The following PICALM variants were observed in gnomAD, a reference collection of about 807,000 sequenced individuals.
PICALM encodes phosphatidylinositol-binding clathrin assembly protein.
PICALM carries 40 observed loss-of-function variants against 80.5 expected under a neutral mutation model. The ratio of observed to expected loss-of-function variants is 0.50; its 90% CI spans 0.39 to 0.65. The LOEUF (loss-of-function observed/expected upper bound fraction) is 0.65. Among genes scored for constraint, PICALM ranks in the 30% least tolerant of loss-of-function variants. The pLI, the probability that PICALM is intolerant of heterozygous loss-of-function variation, is 0.00. For synonymous variants in PICALM, 288 were observed against 260.3 expected, an observed-to-expected ratio of 1.11 and a Z score of -1.02; for missense variants, 676 against 778.9, an observed-to-expected ratio of 0.87 and a Z score of 1.57.
intron 12 of PICALM, 150 bp downstream of exon 12, chr11:85,996,676 C>T (rs574099432): frequency 5.6e-6 from 3 of 532,378 alleles, no homozygotes; most frequent in South Asian, 5.2e-5. Context: ...AATGAACATA[C>T]CTTCAAGGGA....
intron 19 of PICALM, among the ~76,000 whole-genome samples, chr11:85,962,557 G>A (rs17817582): frequency 0.16 from 24,328 of 152,152 alleles, 2,527 homozygotes; most frequent in Middle Eastern, 0.24. Context: ...CAATATGTGA[G>A]CATACTGCTA....
At chr11:85,997,711 T>C (rs1316347587) in intron 11 of PICALM, among the ~76,000 whole-genome samples, 5 of 152,230 alleles carry the variant, frequency 3.3e-5, no homozygotes, top group African/African-American at 7.2e-5. Flanking sequence ...CCTCAGGTGA[T>C]ACGCCTGCCT....
At chr11:86,025,481 C>T (rs909316598) in intron 3 of PICALM, among the ~76,000 whole-genome samples, 3 of 152,146 alleles carry the variant, frequency 2.0e-5, no homozygotes, top group Non-Finnish European at 4.4e-5. Context: ...GCTACTAAAA[C>T]ATGTAATATT....
At chr11:86,035,697 C>T (rs917293315) in intron 1 of PICALM, among the ~76,000 whole-genome samples, 1 of 151,972 alleles carries the variant, frequency 6.6e-6, no homozygotes, top group African/African-American at 2.4e-5. Flanking sequence ...AATCCCAGCA[C>T]TTTCGGAGGC....
intron 7 of PICALM, among the ~76,000 whole-genome samples, chr11:86,009,329 A>G (rs1255193319): frequency 2.8e-5 from 4 of 144,608 alleles, no homozygotes; most frequent in Admixed American, 7.0e-5. Context: ...AAAAAGTCAT[A>G]TATAGCAGAC....
chr11:85,987,681 G>A (rs1187157730), intron 13 of PICALM, among the ~76,000 whole-genome samples: 1 of 152,168 alleles, frequency 6.6e-6, no homozygotes, highest in Non-Finnish European at 1.5e-5. Context: ...ATGTTGCCGA[G>A]GCTGGCCTCA....
At chr11:85,983,052 T>C (rs568250059) in intron 14 of PICALM, among the ~76,000 whole-genome samples, 52 of 152,300 alleles carry the variant, frequency 3.4e-4, no homozygotes, top group African/African-American at 1.3e-3. Flanking sequence ...AAAAATATTA[T>C]CATAAACCTA....
intron 6 of PICALM, among the ~76,000 whole-genome samples, chr11:86,011,568 C>T (rs1015670913): frequency 1.9e-4 from 29 of 152,134 alleles, no homozygotes; most frequent in African/African-American, 6.8e-4. Context: ...TTAATTTATA[C>T]TAATTATAGT....
At chr11:85,996,112 C>CA (rs2094951708) in intron 12 of PICALM, among the ~76,000 whole-genome samples, 1 of 151,654 alleles carries the variant, frequency 6.6e-6, no homozygotes, top group East Asian at 1.9e-4. Flanking sequence ...ATAGTTCCTT[C>CA]AAAAAAATAA....
Position 85,981,179 on chromosome 11 carries a change from T to G in PICALM, c.1729A>C (p.Asn577His). 1 of 1,610,510 alleles carries G rather than the reference T, an allele frequency of 6.2e-7. No homozygotes were observed. The highest frequency in any genetic ancestry group is 8.5e-7 in the Non-Finnish European group (1 of 1,176,678). ...PGEKKLTGGSNWQPKVAPTTA... is the reference protein window; with the variant it reads ...PGEKKLTGGSHWQPKVAPTTA... Reference sequence around the variant, plus strand: ...GTTGGTGCAACCTTTGGTTGCCAGTTAGATCCCCCAGTTAACTTCTTTTCA... The same window carrying G: ...GTTGGTGCAACCTTTGGTTGCCAGTGAGATCCCCCAGTTAACTTCTTTTCA... Residue 577 changes from asparagine to histidine, a missense_variant, in exon 17 of 20, where the codon AAC (asparagine) becomes CAC (histidine). Transcript: ENST00000393346.
intron 19 of PICALM, chr11:85,969,613 G>C (rs1329067887): frequency 5.4e-6 from 2 of 371,726 alleles, no homozygotes; most frequent in Non-Finnish European, 1.1e-5. Context: ...TAATCCAAGA[G>C]ACTGGCTGAG....
chr11:86,061,435 A>G (rs573935336), intron 1 of PICALM, among the ~76,000 whole-genome samples: 9 of 152,140 alleles, frequency 5.9e-5, no homozygotes, highest in African/African-American at 1.9e-4. Context: ...AAAACAAAGA[A>G]CCTGACTTTA....
intron 19 of PICALM, chr11:85,960,719 G>GAGCTCA: frequency 7.6e-7 from 1 of 1,320,114 alleles, no homozygotes; most frequent in Non-Finnish European, 9.9e-7. Context: ...CTCTGCAAAG[G>GAGCTCA]GGTCCTTTCC....
chr11:86,064,384 A>C (rs2096412667), intron 1 of PICALM, among the ~76,000 whole-genome samples: 1 of 152,198 alleles, frequency 6.6e-6, no homozygotes. Flanking sequence ...GACATACAGG[A>C]TATGGTGACT....
intron 1 of PICALM, among the ~76,000 whole-genome samples, chr11:86,040,049 T>G (rs1328825055): frequency 1.3e-5 from 2 of 150,810 alleles, no homozygotes; most frequent in Non-Finnish European, 1.5e-5. Context: ...AAAGTTATGT[T>G]GCAGATGCAG....
intron 10 of PICALM, 62 bp downstream of exon 10, chr11:86,000,973 C>A (rs1256761040): frequency 1.1e-5 from 17 of 1,585,042 alleles, no homozygotes; most frequent in Non-Finnish European, 1.5e-5. Context: ...TGTGCAGAGG[C>A]CCCATTTACC....
In PICALM at chr11:85,958,306, C is replaced by T. The variant is rs965386274; in HGVS notation, c.*740G>A. 4 of 211,968 alleles carry T rather than the reference C, an allele frequency of 1.9e-5. No homozygotes were observed. The highest frequency in any genetic ancestry group is 7.1e-5 in the East Asian group (1 of 14,052). The allele number at this position is 211,968 out of a possible 1,614,324, so 13.1% of individuals were successfully genotyped here. On this transcript the variant is annotated 3_prime_UTR_variant, in exon 20 of 20. Coordinates refer to ENST00000393346, the MANE Select transcript of PICALM (RefSeq NM_007166.4). ...ATGCTTCCCTAAATCCCACAGAGGC[C>T]GAGAATTCTTAAGAGATTCAGACCT...
chr11:86,005,359 C>A (rs1250836641), intron 8 of PICALM, among the ~76,000 whole-genome samples: 1 of 151,972 alleles, frequency 6.6e-6, no homozygotes, highest in Non-Finnish European at 1.5e-5. Flanking sequence ...TTCTAAAATC[C>A]CTTCTAAATA....
At chr11:86,024,159 C>G (rs1415002520) in intron 3 of PICALM, among the ~76,000 whole-genome samples, 1 of 151,868 alleles carries the variant, frequency 6.6e-6, no homozygotes, top group East Asian at 1.9e-4. Flanking sequence ...AGAACCAGAT[C>G]CTGTCTCAAA....
Sources: gnomAD v4.1 joint callset for allele counts (sites outside exome capture counted in the v4.1 genomes callset) on GRCh38, gnomAD v4.1.1 for gene constraint, MANE v1.5 for transcripts, NCBI Gene and HGNC (gene_info 2026-07-23, HGNC 2026-07-21) for gene names.